Variants in IL16 observed in about 807,000 individuals in gnomAD.
IL16 encodes pro-interleukin-16.
Under a neutral mutation model 110.1 loss-of-function variants are expected in IL16, and 67 were observed. That is an observed-to-expected ratio of 0.61 (90% CI 0.50 to 0.75). IL16 has a LOEUF of 0.75. IL16 is among the 30% of genes least tolerant of loss of function. The pLI is 0.00. For missense variants in IL16, 1,545 were observed against 1,655.0 expected (o/e 0.93, Z 1.15); for synonymous variants, 689 against 662.9 (o/e 1.04, Z -0.61).
At chr15:81,233,769 A>C (rs930718995) in intron 2 of IL16, among the ~76,000 whole-genome samples, 4 of 152,092 alleles carry the variant, frequency 2.6e-5, no homozygotes, top group African/African-American at 9.7e-5. Context: ...CAAATAGAGA[A>C]GATATTTGTC....
intron 1 of IL16, among the ~76,000 whole-genome samples, chr15:81,217,877 C>T (rs1896485273): frequency 6.6e-6 from 1 of 152,036 alleles, no homozygotes; most frequent in South Asian, 2.1e-4. Flanking sequence ...CATGTATTTC[C>T]TTAATATGAT....
chr15:81,185,148 A>G (rs1268464705), intron 1 of IL16, among the ~76,000 whole-genome samples: 5 of 152,066 alleles, frequency 3.3e-5, no homozygotes, highest in Non-Finnish European at 5.9e-5. Context: ...CATCCCCCCA[A>G]CGTCTCTCCA....
At chr15:81,264,184 G>C (rs1273363936) in intron 3 of IL16, among the ~76,000 whole-genome samples, 1 of 152,172 alleles carries the variant, frequency 6.6e-6, no homozygotes, top group Admixed American at 6.5e-5. Flanking sequence ...TTTGCAGCGT[G>C]TGGTTTTCTG....
intron 6 of IL16, among the ~76,000 whole-genome samples, chr15:81,277,059 A>G (rs1898945485): frequency 6.6e-6 from 1 of 152,182 alleles, no homozygotes; most frequent in South Asian, 2.1e-4. Flanking sequence ...AGTGAAAAAA[A>G]TAACTTTTGG....
rs527765062 is a variant in IL16, at chr15:81,308,788, G to T, written c.3989G>T (p.Gly1330Val). Residue 1330 changes from glycine (G) to valine (V), a missense_variant, in exon 19 of 19, where the codon GGA becomes GTA. By Grantham distance (109) the Gly-to-Val change is moderately radical. Around this residue, in one of 3 missense-constraint regions of IL16, gnomAD observed 356 missense variants for 399.3 expected, o/e 0.89. Coordinates refer to ENST00000683961, the MANE Select transcript of IL16 (RefSeq NM_172217.5). ...SLQSKETTAAGDS is the reference protein window; with the variant it reads ...SLQSKETTAAVDS ...CAGTCCAAGGAAACCACAGCTGCTG[G>T]AGACTCCTAGGCAGGACATGCTGAA... 2.5e-6 allele frequency: 4 copies of T among 1,612,678 alleles called. No individual in the cohort carries two copies. Among genetic ancestry groups the T allele is most frequent in the Admixed American group, 1.7e-5 (1 of 59,926 alleles).
chr15:81,205,499 C>T (rs528333929), intron 1 of IL16, among the ~76,000 whole-genome samples: 32 of 151,674 alleles, frequency 2.1e-4, no homozygotes, highest in Admixed American at 1.7e-3. Flanking sequence ...TACATAGCCA[C>T]CAGTAATATC....
At chr15:81,271,804 C>A (rs1036737855) in intron 5 of IL16, among the ~76,000 whole-genome samples, 2 of 152,208 alleles carry the variant, frequency 1.3e-5, no homozygotes, top group Non-Finnish European at 2.9e-5. Context: ...ACACCACCTT[C>A]ACCAGAGGCT....
chr15:81,246,237 A>T (rs1212426658), intron 2 of IL16, among the ~76,000 whole-genome samples: 1 of 151,606 alleles, frequency 6.6e-6, no homozygotes, highest in African/African-American at 2.4e-5. Flanking sequence ...ATTTTAACAT[A>T]TGCAGGGTCG....
intron 6 of IL16, 62 bp downstream of exon 6, chr15:81,273,266 T>C: frequency 8.0e-7 from 1 of 1,245,806 alleles, no homozygotes; most frequent in Non-Finnish European, 1.1e-6. Context: ...CCAGAATTGC[T>C]GGGGCCATAG....
intron 14 of IL16, among the ~76,000 whole-genome samples, chr15:81,301,079 C>A (rs1248336462): frequency 1.3e-5 from 2 of 152,278 alleles, no homozygotes; most frequent in East Asian, 3.9e-4. Context: ...GTCAGACGTG[C>A]CATAGGGTCC....
chr15:81,182,897 G>A lies in IL16; in HGVS notation c.40+1G>A. 7.8e-7 allele frequency: 1 copy of A among 1,288,876 alleles called. No homozygotes were observed. The highest frequency in any genetic ancestry group is 1.2e-5 in the South Asian group (1 of 81,010). The allele number at this position is 1,288,876 out of a possible 1,614,324, so 79.8% of individuals were successfully genotyped here. ...AGAGTCTTCCCGAGAAGGCAGAACG[G>A]TGAGTGGAGCTCCTTCTCCTATCCC... is the stretch of plus-strand genomic sequence containing the variant. On this transcript the variant is annotated splice_donor_variant, in intron 1 of 18. Transcript: ENST00000302987. LOFTEE classifies it high-confidence loss of function.
At position 81,292,764 on chromosome 15, in the gene IL16, C is replaced by T; in HGVS notation, c.1629C>T (p.Ser543=). 1 of 1,614,148 alleles carries T rather than the reference C, an allele frequency of 6.2e-7. No homozygotes were observed. The highest frequency in any genetic ancestry group is 8.5e-7 in the Non-Finnish European group (1 of 1,180,016). The stretch of plus-strand genomic sequence containing the variant: ...CTGACGTGGACATCAGCACACACAG[C>T]CCCAGCTTGCCTCTGGCACGGGAGC... ...PSSDVDISTH[S]PSLPLAREPV... Residue 543 remains serine (S), a synonymous_variant, in exon 12 of 19, where the codon AGC becomes AGT. Coordinates refer to ENST00000683961, the MANE Select transcript of IL16 (RefSeq NM_172217.5).
intron 15 of IL16, among the ~76,000 whole-genome samples, chr15:81,302,724 A>G (rs960116758): frequency 1.3e-5 from 2 of 152,210 alleles, no homozygotes; most frequent in Non-Finnish European, 2.9e-5. Flanking sequence ...TGGTGATGAA[A>G]AAAATATTGA....
At chr15:81,191,871 G>A (rs1214260696) in intron 1 of IL16, among the ~76,000 whole-genome samples, 4 of 152,182 alleles carry the variant, frequency 2.6e-5, no homozygotes, top group African/African-American at 7.2e-5. Flanking sequence ...GAGAGGCAGA[G>A]GTGGAAGCTG....
chr15:81,206,033 C>T (rs1896004412), intron 1 of IL16, among the ~76,000 whole-genome samples: 1 of 152,038 alleles, frequency 6.6e-6, no homozygotes, highest in Admixed American at 6.5e-5. Context: ...AGATATACTC[C>T]AAATATGGTG....
intron 1 of IL16, among the ~76,000 whole-genome samples, chr15:81,186,457 A>G (rs1210248422): frequency 6.6e-6 from 1 of 152,108 alleles, no homozygotes; most frequent in Non-Finnish European, 1.5e-5. Flanking sequence ...TGAGCTTTCT[A>G]CATATCCATA....
intron 2 of IL16, among the ~76,000 whole-genome samples, chr15:81,250,201 G>A (rs2142142170): frequency 6.6e-6 from 1 of 152,220 alleles, no homozygotes; most frequent in South Asian, 2.1e-4. Context: ...ACAAAGTCTT[G>A]CTGTGTCGCC....
At chr15:81,292,487 G>T in intron 11 of IL16, 69 bp from the exon 12 acceptor site, 1 of 1,611,060 alleles carries the variant, frequency 6.2e-7, no homozygotes, top group Non-Finnish European at 8.5e-7. Context: ...GGCAGTCACA[G>T]GTGAGGCCAG....
At chr15:81,257,092 C>T (rs1897974698) in intron 2 of IL16, among the ~76,000 whole-genome samples, 1 of 152,192 alleles carries the variant, frequency 6.6e-6, no homozygotes, top group Non-Finnish European at 1.5e-5. Flanking sequence ...TCTCTATAGT[C>T]ACTGCTTTCT....
Sources: allele counts gnomAD v4.1 joint callset (sites outside exome capture counted in the v4.1 genomes callset), GRCh38; gene constraint gnomAD v4.1.1; regional missense constraint gnomAD v4.1.1; transcripts MANE v1.5; gene names NCBI Gene and HGNC (gene_info 2026-07-23, HGNC 2026-07-21).